The following LRRC75B variants were observed in gnomAD, a reference collection of about 807,000 sequenced individuals.
LRRC75B encodes the protein leucine-rich repeat-containing protein 75B.
A neutral mutation model predicts 16.5 loss-of-function variants in LRRC75B; 20 were observed. That is an observed-to-expected ratio of 1.21 (90% confidence interval 0.85 to 1.76). The LOEUF is 1.76. LRRC75B is among the 40% of genes most tolerant of loss of function. LRRC75B has a pLI of 0.00. For missense variants in LRRC75B, 406 were observed against 417.0 expected (o/e 0.97, Z 0.23); for synonymous variants, 199 against 198.1 (o/e 1.00, Z -0.04).
At chr22:24,592,133 T>G (rs1601599165) in intron 1 of LRRC75B, 1 of 371,624 alleles carries the variant, frequency 2.7e-6, no homozygotes, top group Non-Finnish European at 5.4e-6. Flanking sequence ...GGGGACGGGG[T>G]GGTGAGGGAA....
Position 24,592,860 on chromosome 22 carries a change from C to A in LRRC75B, c.177+3G>T. ...CCCAGGGGCGGACGGCTCCTTCTCT[C>A]GCCTGGCGCAGGAGGCGCAGCAGCT... On this transcript the variant is annotated splice_donor_region_variant and intron_variant, in intron 1 of 3. Transcript: ENST00000318753. 7.8e-7 allele frequency: 1 copy of A among 1,280,652 alleles called. No homozygotes were observed. Among genetic ancestry groups the A allele is most frequent in the Non-Finnish European group, 9.9e-7 (1 of 1,013,512 alleles). The allele number at this position is 1,280,652 out of a possible 1,614,324, so 79.3% of individuals were successfully genotyped here.
chr22:24,588,726 A>G, intron 2 of LRRC75B: 5 of 1,060,934 alleles, frequency 4.7e-6, no homozygotes, highest in Non-Finnish European at 5.7e-6. Context: ...GCCGTGCTCC[A>G]CTGACGCCAA....
intron 2 of LRRC75B, chr22:24,589,565 GCA>G (rs2045506902): frequency 4.2e-6 from 2 of 477,056 alleles, no homozygotes; most frequent in African/African-American, 4.1e-5. Flanking sequence ...CAGGCCTGGT[GCA>G]CAGTGCTGCC....
chr22:24,589,419 G>C, intron 2 of LRRC75B: 1 of 1,019,588 alleles, frequency 9.8e-7, no homozygotes, highest in Non-Finnish European at 1.2e-6. Flanking sequence ...GGCTCTAGCC[G>C]AGAGCGGCTC....
chr22:24,587,633 A>G (rs73879087), intron 3 of LRRC75B, among the ~76,000 whole-genome samples: 2,312 of 152,236 alleles, frequency 0.015, 72 homozygotes, highest in African/African-American at 0.052. Context: ...GTGAGGCTCC[A>G]TGGATGGAGT....
chr22:24,592,428 A>T (rs1220145140), intron 1 of LRRC75B: 1 of 470,364 alleles, frequency 2.1e-6, no homozygotes, highest in Admixed American at 2.4e-5. Context: ...CGGATCCTGG[A>T]GGAGGGGGAA....
chr22:24,592,506 T>C, intron 1 of LRRC75B: 1 of 441,408 alleles, frequency 2.3e-6, no homozygotes, highest in Non-Finnish European at 4.7e-6. Context: ...CCCGGGCCCC[T>C]CCCATCTTGC....
In LRRC75B at chr22:24,592,921, G is replaced by T; in HGVS notation, c.119C>A (p.Ser40Tyr). 1 of 1,264,398 alleles carries T rather than the reference G, an allele frequency of 7.9e-7. No homozygotes were observed. The highest frequency in any genetic ancestry group is 4.1e-5 in the Admixed American group (1 of 24,590). The allele number at this position is 1,264,398 out of a possible 1,614,324, so 78.3% of individuals were successfully genotyped here. ...RRVRWLREIQ[S>Y]TLRERRPERA... Reference sequence around the variant, plus strand: ...CTCCGGCCGCCGCTCGCGGAGCGTGGACTGGATCTCGCGGAGCCACCGCAC... The same window carrying T: ...CTCCGGCCGCCGCTCGCGGAGCGTGTACTGGATCTCGCGGAGCCACCGCAC... The change falls in exon 1 of 4, where the codon TCC (serine) becomes TAC (tyrosine). Residue 40 changes from serine to tyrosine, a missense_variant. Ser to Tyr is a moderately radical substitution (Grantham distance 144). Transcript: ENST00000318753.
At chr22:24,586,710 T>C (rs560555470) in intron 3 of LRRC75B, among the ~76,000 whole-genome samples, 1 of 152,372 alleles carries the variant, frequency 6.6e-6, no homozygotes, top group African/African-American at 2.4e-5. Context: ...TTTGTATTTT[T>C]AGTAGAGGCG....
chr22:24,586,069 C>G lies in LRRC75B; in HGVS notation c.765G>C (p.Leu255=), dbSNP rs1425226162. 3 of 1,612,030 alleles carry G rather than the reference C, an allele frequency of 1.9e-6. No homozygotes were observed. In the East Asian group the frequency reaches 6.7e-5, roughly 36 times the overall value. The change falls in exon 4 of 4, where the codon CTG becomes CTC. Residue 255 remains leucine, a synonymous_variant. Coordinates refer to ENST00000318753, the MANE Select transcript of LRRC75B (RefSeq NM_207644.3). ...DLGNNVDVAS[L]PQPLLVGLRR... is the part of the protein sequence containing the mutation. ...GCAGGCCGACCAGCAGGGGCTGGGG[C>G]AGGGAAGCCACATCCACGTTGTTGC...
rs1448065012 is a variant in LRRC75B at position 24,588,588 on chromosome 22, G to A, written c.307-259C>T. 5 of 931,536 alleles carry A rather than the reference G, an allele frequency of 5.4e-6. No individual in the cohort carries two copies. In the East Asian group the frequency reaches 1.1e-4, roughly 20 times the overall value. The allele number at this position is 931,536 out of a possible 1,614,324, so 57.7% of individuals were successfully genotyped here. ...CCCGGCGGGAGGAAGCCCAGACAAT[G>A]AGCCCTTGTTCCCTGTCCTCGGGCC... On this transcript the variant is annotated intron_variant, in intron 2 of 3. Transcript: ENST00000318753.
intron 1 of LRRC75B, chr22:24,592,418 C>G: frequency 2.1e-6 from 1 of 470,576 alleles, no homozygotes. Flanking sequence ...CACTGTCTCC[C>G]GGATCCTGGA....
chr22:24,586,348 C>T lies in LRRC75B; in HGVS notation c.486G>A (p.Pro162=), dbSNP rs541407518. The change falls in exon 4 of 4, where the codon CCG becomes CCA. Residue 162 remains proline, a synonymous_variant. Coordinates refer to ENST00000318753, the MANE Select transcript of LRRC75B (RefSeq NM_207644.3). ...TGTGTTGCACGTCCTGTGTCGACAG[C>T]GGGATGCCTGAGAGGTCCACAGTCT... ...AGETVDLSGI[P]LSTQDVQHIT... 133 of 1,613,910 alleles carry T rather than the reference C, an allele frequency of 8.2e-5. No individual in the cohort carries two copies. Among genetic ancestry groups the T allele is most frequent in the East Asian group, 3.8e-4 (17 of 44,880 alleles).
At chr22:24,592,722 G>T (rs1479361107) in intron 1 of LRRC75B, 141 bp downstream of exon 1, 2 of 1,292,110 alleles carry the variant, frequency 1.5e-6, no homozygotes, top group African/African-American at 3.1e-5. Context: ...CTCGGAACCC[G>T]CCTGCGCGCG....
intron 3 of LRRC75B, 102 bp downstream of exon 3, chr22:24,588,112 G>T: frequency 1.1e-6 from 1 of 907,366 alleles, no homozygotes; most frequent in Non-Finnish European, 1.8e-6. Flanking sequence ...GGCCTCACCA[G>T]GTGGGATTTC....
intron 2 of LRRC75B, chr22:24,589,032 C>A: frequency 9.8e-7 from 1 of 1,022,094 alleles, no homozygotes; most frequent in Non-Finnish European, 1.2e-6. Context: ...AGCTGCAAGC[C>A]CTGGCTGTTC....
chr22:24,588,978 C>T (rs2045485291), intron 2 of LRRC75B: 1 of 1,010,366 alleles, frequency 9.9e-7, no homozygotes, highest in African/African-American at 1.7e-5. Flanking sequence ...ATCCTTTATC[C>T]AGTCCCTCTG....
At chr22:24,592,295 A>G (rs1011131067) in intron 1 of LRRC75B, 9 of 468,580 alleles carry the variant, frequency 1.9e-5, no homozygotes, top group Non-Finnish European at 3.5e-5. Flanking sequence ...CTCTAAGGGC[A>G]TGAGCCGCCT....
intron 1 of LRRC75B, chr22:24,592,406 T>C (rs2045596155): frequency 2.1e-6 from 1 of 470,548 alleles, no homozygotes; most frequent in Non-Finnish European, 4.4e-6. Context: ...CTCTCCAGGG[T>C]CCACTGTCTC....
Sources: allele counts gnomAD v4.1 joint callset (sites outside exome capture counted in the v4.1 genomes callset), GRCh38; gene constraint gnomAD v4.1.1; transcripts MANE v1.5; gene names NCBI Gene and HGNC (gene_info 2026-07-23, HGNC 2026-07-21).